The following SCN10A variants were observed in gnomAD, a reference collection of about 807,000 sequenced individuals.
SCN10A encodes the protein sodium channel protein type 10 subunit alpha.
Under a neutral mutation model 170.7 loss-of-function variants are expected in SCN10A, and 162 were observed. The observed-to-expected ratio is 0.95, with a 90% confidence interval of 0.84 to 1.08. The LOEUF is 1.08. SCN10A is among the 50% of genes least tolerant of loss of function. The pLI is 0.00. For missense variants in SCN10A, 2,527 were observed against 2,436.9 expected (o/e 1.04, Z -0.78); for synonymous variants, 985 against 904.6 (o/e 1.09, Z -1.59).
intron 3 of SCN10A, among the ~76,000 whole-genome samples, chr3:38,790,099 A>G (rs1045989247): frequency 5.9e-5 from 9 of 152,286 alleles, no homozygotes; most frequent in Admixed American, 5.9e-4. Context: ...TTTCCTGCTG[A>G]CTTACAATTA....
chr3:38,781,879 C>T (rs1270211347), intron 4 of SCN10A, among the ~76,000 whole-genome samples: 1 of 151,866 alleles, frequency 6.6e-6, no homozygotes, highest in Non-Finnish European at 1.5e-5. Context: ...TAGAGTTTGT[C>T]ATATTATTTG....
In SCN10A at chr3:38,742,588, C is replaced by G. The variant is rs762450422; in HGVS notation, c.1868-59G>C. ...CCATGTGTCACCTTGGACCCCAATT[C>G]TGCGGTCATCCTCTAGACCTTGTTG... On this transcript the variant is annotated intron_variant, in intron 13 of 27. Transcript: ENST00000449082. 50 of 1,302,150 alleles carry G rather than the reference C, an allele frequency of 3.8e-5. No individual in the cohort carries two copies. In the Middle Eastern group the frequency reaches 1.3e-3, roughly 34 times the overall value. The allele number at this position is 1,302,150 out of a possible 1,614,324, so 80.7% of individuals were successfully genotyped here.
intron 8 of SCN10A, among the ~76,000 whole-genome samples, chr3:38,759,110 A>G (rs1559448782): frequency 6.6e-6 from 1 of 152,062 alleles, no homozygotes; most frequent in African/African-American, 2.4e-5. Flanking sequence ...TAGTTTTCCT[A>G]GTGAGCTGAT....
At chr3:38,812,428 G>C (rs144077364) in intron 1 of SCN10A, among the ~76,000 whole-genome samples, 218 of 152,226 alleles carry the variant, frequency 1.4e-3, no homozygotes, top group African/African-American at 5.1e-3. Context: ...TTCTTGGGGA[G>C]TGGTAGTACT....
At chr3:38,737,694 T>C (rs1169148616) in intron 15 of SCN10A, among the ~76,000 whole-genome samples, 1 of 151,962 alleles carries the variant, frequency 6.6e-6, no homozygotes, top group Non-Finnish European at 1.5e-5. Context: ...GGAAAATTAG[T>C]AACTCTGACA....
At chr3:38,729,990 G>A (rs1352221173) in intron 15 of SCN10A, among the ~76,000 whole-genome samples, 5 of 152,196 alleles carry the variant, frequency 3.3e-5, no homozygotes, top group African/African-American at 1.2e-4. Flanking sequence ...TCCTCATATG[G>A]GAAGCAGAGC....
intron 4 of SCN10A, among the ~76,000 whole-genome samples, chr3:38,782,989 T>C (rs1255730049): frequency 2.0e-5 from 3 of 152,140 alleles, no homozygotes; most frequent in Non-Finnish European, 4.4e-5. Flanking sequence ...GTCAGCATAG[T>C]TGGGTCTGGG....
intron 13 of SCN10A, among the ~76,000 whole-genome samples, chr3:38,746,168 C>T (rs916136351): frequency 1.4e-5 from 2 of 147,286 alleles, no homozygotes; most frequent in African/African-American, 5.0e-5. Context: ...ACACCCCTAC[C>T]TAGATGCTCC....
chr3:38,698,335 AG>A lies in SCN10A; in HGVS notation c.4884del (p.His1631MetfsTer2). The stretch of plus-strand genomic sequence containing the variant: ...CCAGCCTCCCACCTCACATGGGGAA[AG>A]CTGGACATACCGAAGATAGAGTAGA... ...MFIYSIFGMS[S>X]FPHVRWEAGI... On this transcript the variant is annotated frameshift_variant, in exon 28 of 28. Coordinates refer to ENST00000449082, the MANE Select transcript of SCN10A (RefSeq NM_006514.4). LOFTEE classifies it high-confidence loss of function. The A allele has an allele frequency of 1.9e-6, 3 of 1,614,044 alleles. No individual in the cohort carries two copies. The highest frequency in any genetic ancestry group is 2.5e-6 in the Non-Finnish European group (3 of 1,179,898).
chr3:38,788,828 T>C (rs2064242364), intron 4 of SCN10A, 128 bp downstream of exon 4: 2 of 656,566 alleles, frequency 3.0e-6, no homozygotes, highest in Non-Finnish European at 5.5e-6. Flanking sequence ...TACAAAGACA[T>C]ATAGACAATG....
intron 15 of SCN10A, among the ~76,000 whole-genome samples, chr3:38,730,760 A>C (rs2063506241): frequency 1.3e-5 from 2 of 152,164 alleles, no homozygotes; most frequent in Admixed American, 1.3e-4. Flanking sequence ...ATCAGATTTG[A>C]CACAGTTTGG....
chr3:38,744,961 A>G (rs2063671457), intron 13 of SCN10A, among the ~76,000 whole-genome samples: 1 of 152,218 alleles, frequency 6.6e-6, no homozygotes, highest in Non-Finnish European at 1.5e-5. Flanking sequence ...ATAGTTCTCT[A>G]AAGAAGTTGG....
At chr3:38,756,259 G>T (rs1311350926) in intron 10 of SCN10A, among the ~76,000 whole-genome samples, 3 of 152,096 alleles carry the variant, frequency 2.0e-5, no homozygotes, top group Non-Finnish European at 4.4e-5. Context: ...TACAAAAAAA[G>T]TCTCTTTTGG....
intron 13 of SCN10A, among the ~76,000 whole-genome samples, chr3:38,747,975 A>G (rs913277146): frequency 4.6e-5 from 7 of 152,174 alleles, no homozygotes; most frequent in Non-Finnish European, 2.9e-5. Flanking sequence ...GCAAGCTTAT[A>G]TCAGTTCACC....
At chr3:38,729,146 T>C (rs562196559) in intron 15 of SCN10A, among the ~76,000 whole-genome samples, 10 of 152,296 alleles carry the variant, frequency 6.6e-5, no homozygotes, top group African/African-American at 2.4e-4. Flanking sequence ...AGTCAGGGTC[T>C]TCTACTGGGG....
At chr3:38,780,706 T>C (rs764038861) in intron 4 of SCN10A, among the ~76,000 whole-genome samples, 1 of 152,126 alleles carries the variant, frequency 6.6e-6, no homozygotes, top group African/African-American at 2.4e-5. Context: ...TTTTAGACTA[T>C]GGAAATTATG....
At chr3:38,749,729 G>A (rs2063727809) in intron 13 of SCN10A, among the ~76,000 whole-genome samples, 2 of 152,236 alleles carry the variant, frequency 1.3e-5, no homozygotes, top group East Asian at 3.9e-4. Flanking sequence ...AATTAAGGAT[G>A]GTTAAATTTC....
At chr3:38,769,024 T>C (rs1165628596) in intron 5 of SCN10A, among the ~76,000 whole-genome samples, 3 of 152,134 alleles carry the variant, frequency 2.0e-5, no homozygotes, top group African/African-American at 7.2e-5. Flanking sequence ...AGTTCTTTCT[T>C]CTACTTGTTC....
At chr3:38,800,376 AG>A (rs1375814822) in intron 1 of SCN10A, among the ~76,000 whole-genome samples, 2 of 152,202 alleles carry the variant, frequency 1.3e-5, no homozygotes, top group Non-Finnish European at 2.9e-5. Context: ...GGTGAGGCCC[AG>A]GGGGCCCCAT....
Sources: allele counts gnomAD v4.1 joint callset (sites outside exome capture counted in the v4.1 genomes callset), GRCh38; gene constraint gnomAD v4.1.1; transcripts MANE v1.5; gene names NCBI Gene and HGNC (gene_info 2026-07-23, HGNC 2026-07-21).